Variants in SEMA3A observed in about 807,000 individuals in gnomAD.
SEMA3A encodes the protein semaphorin 3A.
In SEMA3A, 29 loss-of-function variants were observed where a neutral mutation model predicts 97.9. That is an observed-to-expected ratio of 0.30 (90% CI 0.22 to 0.40). The LOEUF (loss-of-function observed/expected upper bound fraction) is 0.40, where lower values mean the gene tolerates loss of function less well. SEMA3A is among the 10% of genes least tolerant of loss of function. SEMA3A has a pLI of 1.00. For missense variants in SEMA3A, 763 were observed against 951.3 expected, an observed-to-expected ratio of 0.80 and a Z score of 2.60; for synonymous variants, 321 against 323.7, an observed-to-expected ratio of 0.99 and a Z score of 0.09.
chr7:84,052,636 A>G (rs1792733895), intron 5 of SEMA3A, among the ~76,000 whole-genome samples: 1 of 151,772 alleles, frequency 6.6e-6, no homozygotes, highest in Non-Finnish European at 1.5e-5. Flanking sequence ...CGGCCTATCA[A>G]TTTTGTTGAT....
chr7:84,421,398 G>A (rs1175816618), intron 1 of SEMA3A, among the ~76,000 whole-genome samples: 1 of 151,864 alleles, frequency 6.6e-6, no homozygotes, highest in East Asian at 1.9e-4. Flanking sequence ...TTAAGCAAAG[G>A]GACACTAGAC....
chr7:84,099,075 C>T (rs6467986), intron 4 of SEMA3A, among the ~76,000 whole-genome samples: 54,068 of 70,560 alleles, frequency 0.77, 21,765 homozygotes, highest in East Asian at 0.81. Context: ...CTTTTTTTTT[C>T]TTTTTTTTTT....
intron 1 of SEMA3A, among the ~76,000 whole-genome samples, chr7:84,378,414 A>G (rs992568418): frequency 6.6e-6 from 1 of 152,166 alleles, no homozygotes; most frequent in Admixed American, 6.5e-5. Context: ...TTGCAGGGAC[A>G]TGGGCGAAGC....
intron 4 of SEMA3A, among the ~76,000 whole-genome samples, chr7:84,095,050 C>A (rs1307526472): frequency 3.3e-5 from 5 of 149,952 alleles, no homozygotes; most frequent in Non-Finnish European, 5.9e-5. Flanking sequence ...CACACACACA[C>A]AAAATATATA....
At chr7:83,977,610 GATT>G (rs1375328794) in intron 14 of SEMA3A, among the ~76,000 whole-genome samples, 1 of 151,704 alleles carries the variant, frequency 6.6e-6, no homozygotes, top group East Asian at 1.9e-4. Flanking sequence ...CTTTTTTTCT[GATT>G]ATTAATGAAG....
At position 83,961,683 on chromosome 7, in the gene SEMA3A, A is replaced by G. The variant is rs2116249048; in HGVS notation, c.2004T>C (p.Ile668=). Residue 668 remains isoleucine (I), a synonymous_variant, in exon 17 of 17, where the codon ATT becomes ATC. Transcript: ENST00000265362. ...GAAGTTCTTCCAAATGCTCTGTGTC[A>G]ATGACTTCCAGGGTTACCTTAAGAA... ...QTLLKVTLEV[I]DTEHLEELLH... The G allele has an allele frequency of 2.5e-6, 4 of 1,613,848 alleles. No individual in the cohort carries two copies. The East Asian group carries it at 8.9e-5, about 36-fold the overall frequency.
chr7:84,368,589 T>G (rs1802904702), intron 2 of SEMA3A, among the ~76,000 whole-genome samples: 1 of 150,868 alleles, frequency 6.6e-6, no homozygotes, highest in South Asian at 2.1e-4. Context: ...ATACTGGCCA[T>G]ATAATGACCA....
chr7:84,421,834 T>C (rs867453687), intron 1 of SEMA3A, among the ~76,000 whole-genome samples: 2 of 152,100 alleles, frequency 1.3e-5, no homozygotes, highest in Non-Finnish European at 2.9e-5. Context: ...GATTTGCATA[T>C]GTTGAACCAG....
At chr7:84,369,391 T>G (rs577339199) in intron 2 of SEMA3A, among the ~76,000 whole-genome samples, 1 of 151,174 alleles carries the variant, frequency 6.6e-6, no homozygotes, top group African/African-American at 2.4e-5. Context: ...TTTCCATCAG[T>G]TTTGTAACTT....
At chr7:84,008,595 C>A (rs1486061931) in intron 9 of SEMA3A, among the ~76,000 whole-genome samples, 1 of 151,600 alleles carries the variant, frequency 6.6e-6, no homozygotes, top group African/African-American at 2.4e-5. Flanking sequence ...CAGTTCTGCA[C>A]ATTTAAAATA....
At chr7:84,221,681 G>C (rs1002483126) in intron 3 of SEMA3A, among the ~76,000 whole-genome samples, 3 of 151,984 alleles carry the variant, frequency 2.0e-5, no homozygotes, top group Non-Finnish European at 4.4e-5. Flanking sequence ...CCAGTGAGTA[G>C]AGCCGTGAGA....
chr7:84,314,242 G>T (rs1264384913), intron 2 of SEMA3A, among the ~76,000 whole-genome samples: 1 of 151,954 alleles, frequency 6.6e-6, no homozygotes, highest in Non-Finnish European at 1.5e-5. Context: ...TTTGCAATTA[G>T]ATAAAGACAT....
chr7:84,129,892 T>C (rs1414022543), intron 2 of SEMA3A, among the ~76,000 whole-genome samples: 1 of 152,106 alleles, frequency 6.6e-6, no homozygotes, highest in Middle Eastern at 3.2e-3. Flanking sequence ...TCCCTCATAT[T>C]TAGTCTTCAT....
chr7:84,183,008 T>C (rs1797776238), intron 1 of SEMA3A, among the ~76,000 whole-genome samples: 1 of 152,120 alleles, frequency 6.6e-6, no homozygotes, highest in Admixed American at 6.5e-5. Flanking sequence ...TACACACAAG[T>C]AAACCACTAT....
At chr7:84,203,860 C>G (rs1798420625) in intron 3 of SEMA3A, among the ~76,000 whole-genome samples, 1 of 151,918 alleles carries the variant, frequency 6.6e-6, no homozygotes, top group Non-Finnish European at 1.5e-5. Context: ...ACTAGTTGTT[C>G]ATGCTTTTAT....
chr7:84,158,148 C>CTTTTTTTT (rs1187182577), intron 1 of SEMA3A, among the ~76,000 whole-genome samples: 65 of 82,296 alleles, frequency 7.9e-4, no homozygotes, highest in Non-Finnish European at 9.1e-4. Flanking sequence ...ACAGCTAATT[C>CTTTTTTTT]TTTTTTTTTT....
Position 84,336,688 on chromosome 7 carries a change from T to C in SEMA3A, c.-168-29396A>G, listed in dbSNP as rs377725574. ...TGTTATCAGTACAGGCACACAAACC[T>C]AGGTTCCAACAGAAGAATTCATCAG... On this transcript the variant is annotated intron_variant, in intron 2 of 3. Transcript: ENST00000424555. 1.5e-3 allele frequency among the ~76,000 whole-genome samples: 234 copies of C among 152,198 alleles called. 12 individuals carry two copies. In the South Asian group the frequency reaches 0.048, roughly 31 times the overall value.
In SEMA3A at chr7:84,415,390, T is replaced by C. The variant is rs145022669; in HGVS notation, c.-245-43490A>G. ...CAAGTATCAGAATTTGTTTTTTGCTTAATATTAATATATCAAAGTTAAAGT... is the reference window on the plus strand; with the variant it reads ...CAAGTATCAGAATTTGTTTTTTGCTCAATATTAATATATCAAAGTTAAAGT... On this transcript the variant is annotated intron_variant, in intron 1 of 3. Transcript: ENST00000424555. Among the ~76,000 whole-genome samples the C allele has an allele frequency of 3.0e-3, 459 of 152,242 alleles. 3 individuals are homozygous for C. Among genetic ancestry groups the C allele is most frequent in the African/African-American group, 0.011 (443 of 41,570 alleles).
At chr7:84,425,052 A>C (rs1191655516) in intron 1 of SEMA3A, among the ~76,000 whole-genome samples, 27 of 104,176 alleles carry the variant, frequency 2.6e-4, no homozygotes, top group African/African-American at 1.1e-3. Flanking sequence ...ATATATAATT[A>C]TATAATTATA....
Sources: gnomAD v4.1 joint callset for allele counts (sites outside exome capture counted in the v4.1 genomes callset) on GRCh38, gnomAD v4.1.1 for gene constraint, MANE v1.5 for transcripts, NCBI Gene and HGNC (gene_info 2026-07-23, HGNC 2026-07-21) for gene names.